Variants in PDE7B observed in about 807,000 individuals in gnomAD.
PDE7B encodes phosphodiesterase 7B, also known as 3',5'-cyclic-AMP phosphodiesterase 7B.
A neutral mutation model predicts 56.2 loss-of-function variants in PDE7B; 29 were observed. That is an observed-to-expected ratio of 0.52 (90% CI 0.38 to 0.70). The LOEUF (loss-of-function observed/expected upper bound fraction) is 0.70, where lower values mean the gene tolerates loss of function less well. PDE7B is among the 30% of genes least tolerant of loss of function. The pLI, the probability that PDE7B is intolerant of heterozygous loss-of-function variation, is 0.00. For synonymous variants in PDE7B, 197 were observed against 196.9 expected, an observed-to-expected ratio of 1.00 and a Z score of 0.00; for missense variants, 490 against 565.0, an observed-to-expected ratio of 0.87 and a Z score of 1.35.
intron 1 of PDE7B, among the ~76,000 whole-genome samples, chr6:135,910,823 T>A (rs1776199458): frequency 6.6e-6 from 1 of 152,196 alleles, no homozygotes; most frequent in Non-Finnish European, 1.5e-5. Context: ...AAACTTTTTT[T>A]ATTGCATTAT....
intron 3 of PDE7B, among the ~76,000 whole-genome samples, chr6:136,140,138 G>A (rs867012415): frequency 3.3e-4 from 50 of 152,120 alleles, no homozygotes; most frequent in African/African-American, 1.1e-3. Context: ...ATCTTGAATT[G>A]ATTTTTGTAT....
chr6:136,110,173 T>G (rs1307326221), intron 3 of PDE7B, among the ~76,000 whole-genome samples: 1 of 152,150 alleles, frequency 6.6e-6, no homozygotes, highest in Non-Finnish European at 1.5e-5. Flanking sequence ...ACACTAGAGA[T>G]AACCTTCCCT....
intron 2 of PDE7B, among the ~76,000 whole-genome samples, chr6:136,021,557 T>C (rs776846277): frequency 2.0e-5 from 3 of 151,952 alleles, no homozygotes; most frequent in Non-Finnish European, 4.4e-5. Flanking sequence ...GGCTGGAGAA[T>C]TGCTTGAACC....
chr6:136,048,431 G>A (rs1302489427), intron 2 of PDE7B, among the ~76,000 whole-genome samples: 1 of 152,150 alleles, frequency 6.6e-6, no homozygotes, highest in Non-Finnish European at 1.5e-5. Context: ...TGAGGCAGGA[G>A]AATCCTCGAA....
At chr6:136,127,418 C>T (rs1778041975) in intron 3 of PDE7B, among the ~76,000 whole-genome samples, 1 of 152,064 alleles carries the variant, frequency 6.6e-6, no homozygotes, top group Admixed American at 6.5e-5. Flanking sequence ...CATTAAGTCC[C>T]TTTGGGCTTT....
At chr6:135,932,419 T>A (rs1189536632) in intron 1 of PDE7B, among the ~76,000 whole-genome samples, 2 of 152,004 alleles carry the variant, frequency 1.3e-5, no homozygotes, top group Admixed American at 6.6e-5. Context: ...ATACACCCCA[T>A]AGATGTATAC....
At chr6:136,126,766 C>T (rs756429379) in intron 3 of PDE7B, among the ~76,000 whole-genome samples, 10 of 151,844 alleles carry the variant, frequency 6.6e-5, no homozygotes, top group Admixed American at 2.0e-4. Flanking sequence ...GATGCAAAGG[C>T]GTAAGAATGC....
intron 1 of PDE7B, among the ~76,000 whole-genome samples, chr6:135,855,727 G>A (rs1172921011): frequency 2.6e-5 from 4 of 152,152 alleles, no homozygotes; most frequent in African/African-American, 9.7e-5. Flanking sequence ...TAGGAGTTAT[G>A]GAAAGCTGGA....
chr6:135,990,496 G>C (rs972513294), intron 2 of PDE7B, among the ~76,000 whole-genome samples: 28 of 152,096 alleles, frequency 1.8e-4, no homozygotes, highest in Non-Finnish European at 1.2e-4. Flanking sequence ...GAGGGTTTTC[G>C]AGGCTCCTTT....
At chr6:136,024,853 G>A (rs1326660180) in intron 2 of PDE7B, among the ~76,000 whole-genome samples, 2 of 152,162 alleles carry the variant, frequency 1.3e-5, no homozygotes, top group Non-Finnish European at 2.9e-5. Flanking sequence ...GATGGAAGTG[G>A]GAGGTTTGAC....
At chr6:136,164,087 G>A (rs1371455116) in intron 8 of PDE7B, among the ~76,000 whole-genome samples, 2 of 152,124 alleles carry the variant, frequency 1.3e-5, no homozygotes, top group Non-Finnish European at 2.9e-5. Context: ...CCATTCTCAT[G>A]TTGCTATAAG....
At chr6:136,116,918 G>C (rs981737941) in intron 3 of PDE7B, among the ~76,000 whole-genome samples, 1 of 152,142 alleles carries the variant, frequency 6.6e-6, no homozygotes, top group Non-Finnish European at 1.5e-5. Flanking sequence ...ATCCCACAAA[G>C]AAATTAGTTT....
chr6:135,953,519 T>G (rs1774737604), intron 2 of PDE7B, among the ~76,000 whole-genome samples: 2 of 152,288 alleles, frequency 1.3e-5, no homozygotes, highest in Admixed American at 1.3e-4. Flanking sequence ...TTATTAGGGC[T>G]GTTGAGGATT....
intron 2 of PDE7B, among the ~76,000 whole-genome samples, chr6:136,058,591 C>A (rs989298855): frequency 1.1e-4 from 16 of 152,074 alleles, no homozygotes; most frequent in Non-Finnish European, 1.5e-5. Flanking sequence ...ATTAGCAGCC[C>A]TAGTTTATGA....
At chr6:136,003,609 G>A (rs1166677832) in intron 2 of PDE7B, among the ~76,000 whole-genome samples, 2 of 151,978 alleles carry the variant, frequency 1.3e-5, no homozygotes, top group African/African-American at 2.4e-5. Context: ...TAGAAGAAAT[G>A]GATAAATTCC....
intron 3 of PDE7B, among the ~76,000 whole-genome samples, chr6:136,127,118 C>A (rs1778035865): frequency 6.6e-6 from 1 of 152,094 alleles, no homozygotes; most frequent in Non-Finnish European, 1.5e-5. Context: ...TATAAACAGG[C>A]TTTTCACCCA....
chr6:136,128,985 C>T (rs1247856694), intron 3 of PDE7B, among the ~76,000 whole-genome samples: 5 of 152,152 alleles, frequency 3.3e-5, no homozygotes, highest in Admixed American at 2.6e-4. Context: ...CTTATCCATC[C>T]AGCATTGCCT....
At chr6:136,103,166 A>T (rs1293488251) in intron 2 of PDE7B, among the ~76,000 whole-genome samples, 1 of 152,192 alleles carries the variant, frequency 6.6e-6, no homozygotes. Context: ...CCTCCTACTT[A>T]GCCAGTTCAG....
At chr6:136,149,250 C>T (rs753815725) in intron 5 of PDE7B, 100 bp downstream of exon 5, 77 of 777,312 alleles carry the variant, frequency 9.9e-5, no homozygotes, top group Non-Finnish European at 1.6e-4. Context: ...ATTCCTTTTT[C>T]CTTCTTTCCC....
Sources: allele counts gnomAD v4.1 joint callset (sites outside exome capture counted in the v4.1 genomes callset), GRCh38; gene constraint gnomAD v4.1.1; transcripts MANE v1.5; gene names NCBI Gene and HGNC (gene_info 2026-07-23, HGNC 2026-07-21).